PRR16: variants seen among roughly 807,000 people sequenced by gnomAD.
PRR16 encodes proline rich 16.
Under a neutral mutation model 18.2 loss-of-function variants are expected in PRR16, and 6 were observed. The ratio of observed to expected loss-of-function variants is 0.33; its 90% CI spans 0.18 to 0.65. PRR16 has a LOEUF of 0.65. Among genes scored for constraint, PRR16 ranks in the 30% least tolerant of loss-of-function variants. The pLI is 0.74. For synonymous variants in PRR16, 151 were observed against 147.8 expected (o/e 1.02, Z -0.16); for missense variants, 412 against 376.6 (o/e 1.09, Z -0.78).
At chr5:120,748,622 G>A in the PRR16 span, among the ~76,000 whole-genome samples, 1 of 152,112 alleles carries the variant, frequency 6.6e-6, no homozygotes, top group African/African-American at 2.4e-5. Flanking sequence ...ATTATCCAAG[G>A]TTGAAATCTG....
chr5:120,515,753 G>C (rs542202719), intron 1 of PRR16, among the ~76,000 whole-genome samples: 1 of 152,338 alleles, frequency 6.6e-6, no homozygotes, highest in East Asian at 1.9e-4. Context: ...ATTTGAAGGA[G>C]TATGTTGTGA....
intron 1 of PRR16, among the ~76,000 whole-genome samples, chr5:120,507,188 A>G (rs1317083072): frequency 6.6e-6 from 1 of 152,162 alleles, no homozygotes; most frequent in Non-Finnish European, 1.5e-5. Context: ...CTTGCATAGT[A>G]TGCCACAAAT....
At chr5:120,591,182 G>A (rs899238055) in intron 1 of PRR16, among the ~76,000 whole-genome samples, 1 of 152,010 alleles carries the variant, frequency 6.6e-6, no homozygotes, top group Non-Finnish European at 1.5e-5. Context: ...GGGAGGCTGA[G>A]GCAGGAGAAT....
the PRR16 span, among the ~76,000 whole-genome samples, chr5:120,710,294 A>G: frequency 6.6e-6 from 1 of 152,128 alleles, no homozygotes; most frequent in African/African-American, 2.4e-5. Context: ...TAGTACATAC[A>G]AGGCTTTTTA....
chr5:120,485,451 C>T (rs2112816536), intron 1 of PRR16, among the ~76,000 whole-genome samples: 1 of 152,288 alleles, frequency 6.6e-6, no homozygotes, highest in East Asian at 1.9e-4. Context: ...CAAATGCCAA[C>T]ATTAAGCAGA....
chr5:120,791,663 A>G, the PRR16 span, among the ~76,000 whole-genome samples: 3 of 151,566 alleles, frequency 2.0e-5, no homozygotes, highest in East Asian at 2.0e-4. Flanking sequence ...TCTATCATCT[A>G]TCTATCATCT....
At chr5:120,718,679 A>G in the PRR16 span, among the ~76,000 whole-genome samples, 2 of 152,114 alleles carry the variant, frequency 1.3e-5, no homozygotes, top group African/African-American at 4.8e-5. Context: ...CTGGTCCAGG[A>G]AAGCCATCAC....
intron 1 of PRR16, among the ~76,000 whole-genome samples, chr5:120,641,605 A>G (rs1159087643): frequency 6.6e-6 from 1 of 152,088 alleles, no homozygotes; most frequent in Non-Finnish European, 1.5e-5. Context: ...AATGCTACCT[A>G]TGCCTACAGG....
At chr5:120,508,060 A>G (rs1324047517) in intron 1 of PRR16, among the ~76,000 whole-genome samples, 1 of 152,124 alleles carries the variant, frequency 6.6e-6, no homozygotes, top group Non-Finnish European at 1.5e-5. Context: ...GTGCAGTCAG[A>G]CTGGTGGTGC....
At chr5:120,689,416 A>C (rs542070536), downstream of PRR16, among the ~76,000 whole-genome samples, 1 of 151,644 alleles carries the variant, frequency 6.6e-6, no homozygotes, top group Non-Finnish European at 1.5e-5. Context: ...CATTGCTTCA[A>C]AATGTAAATG....
intron 1 of PRR16, among the ~76,000 whole-genome samples, chr5:120,656,564 G>C (rs1305734209): frequency 6.6e-6 from 1 of 151,188 alleles, no homozygotes; most frequent in African/African-American, 2.4e-5. Flanking sequence ...CTAAAATCCA[G>C]TATAATTAGT....
At chr5:120,679,906 C>T (rs1028292274) in intron 1 of PRR16, among the ~76,000 whole-genome samples, 2 of 152,012 alleles carry the variant, frequency 1.3e-5, no homozygotes, top group Admixed American at 1.3e-4. Context: ...GTGGGATGAA[C>T]ACATTGAAAG....
intron 1 of PRR16, among the ~76,000 whole-genome samples, chr5:120,516,452 A>G (rs1471441384): frequency 6.9e-6 from 1 of 145,892 alleles, no homozygotes; most frequent in African/African-American, 2.5e-5. Flanking sequence ...AAAAAGCAAG[A>G]TGTCTTGTGA....
intron 1 of PRR16, among the ~76,000 whole-genome samples, chr5:120,543,863 T>C (rs1175185892): frequency 6.6e-6 from 1 of 152,198 alleles, no homozygotes; most frequent in African/African-American, 2.4e-5. Context: ...ATTTTACTTG[T>C]CCTCTTTGAG....
intron 1 of PRR16, among the ~76,000 whole-genome samples, chr5:120,679,304 G>A (rs1364692051): frequency 6.6e-6 from 1 of 152,036 alleles, no homozygotes. Context: ...CTAGATTTAT[G>A]ATTGATGCCA....
intron 1 of PRR16, among the ~76,000 whole-genome samples, chr5:120,675,490 C>A (rs891921474): frequency 8.5e-5 from 13 of 152,106 alleles, no homozygotes; most frequent in Admixed American, 7.2e-4. Context: ...TTTCTGTATT[C>A]CACTTTCAAA....
the PRR16 span, among the ~76,000 whole-genome samples, chr5:120,768,418 C>A: frequency 1.3e-5 from 2 of 149,572 alleles, no homozygotes; most frequent in African/African-American, 4.9e-5. Flanking sequence ...GATTTTTTTA[C>A]CTTCATTCCT....
chr5:120,743,912 C>T, the PRR16 span, among the ~76,000 whole-genome samples: 5 of 151,892 alleles, frequency 3.3e-5, no homozygotes, highest in Non-Finnish European at 7.4e-5. Flanking sequence ...CTATTATTTT[C>T]CTTTATGCAT....
chr5:120,652,223 A>G (rs111333750), intron 1 of PRR16, among the ~76,000 whole-genome samples: 2,309 of 151,674 alleles, frequency 0.015, 22 homozygotes, highest in South Asian at 0.023. Context: ...AATATTTGCA[A>G]TGGTGTCTAT....
Sources: gnomAD v4.1 joint callset for allele counts (sites outside exome capture counted in the v4.1 genomes callset) on GRCh38, gnomAD v4.1.1 for gene constraint, MANE v1.5 for transcripts, NCBI Gene and HGNC (gene_info 2026-07-23, HGNC 2026-07-21) for gene names.